SF1: variants seen among roughly 807,000 people sequenced by gnomAD.
SF1 encodes the protein splicing factor 1, also known as branch point-binding protein.
In SF1, 7 loss-of-function variants were observed where a neutral mutation model predicts 62.5. The observed-to-expected ratio is 0.11, with a 90% CI of 0.06 to 0.21. The LOEUF is 0.21. Ranked by LOEUF, SF1 falls within the 10% of genes least tolerant of loss-of-function variation. SF1 has a pLI of 1.00. For missense variants in SF1, 578 were observed against 884.0 expected (o/e 0.65, Z 4.39); for synonymous variants, 394 against 323.6 (o/e 1.22, Z -2.33).
chr11:64,773,156 TA>T, intron 3 of SF1: 1 of 1,264,326 alleles, frequency 7.9e-7, no homozygotes, highest in Non-Finnish European at 1.0e-6. Context: ...TAAGGGTGGG[TA>T]AATCAGGTTA....
intron 7 of SF1, 47 bp from the exon 8 acceptor site, chr11:64,769,176 C>A: frequency 6.2e-7 from 1 of 1,608,806 alleles, no homozygotes; most frequent in East Asian, 2.2e-5. Context: ...TCTCTACTTC[C>A]ATAGGTTCTT....
chr11:64,778,367 G>A lies in SF1; in HGVS notation c.26C>T (p.Pro9Leu), dbSNP rs758283208. The change falls in exon 1 of 13, where the codon CCG (proline) becomes CTG (leucine). Residue 9 changes from proline (P) to leucine (L), a missense_variant. Physicochemically the swap from Pro to Leu is moderately conservative, Grantham distance 98. Transcript: ENST00000377390. MATGANAT[P>L]LDFPSKKRKR... ...CCCGGGGGGGCCCAGCTTACCCAAC[G>A]GCGTGGCGTTCGCTCCGGTCGCCAT... 2.4e-6 allele frequency: 3 copies of A among 1,227,950 alleles called. No individual in the cohort carries two copies. Among genetic ancestry groups the A allele is most frequent in the East Asian group, 6.4e-5 (2 of 31,234 alleles). 76.1% of individuals were successfully genotyped at this position (1,227,950 alleles called of 1,614,324 possible). A position where few individuals can be genotyped will look rare whatever the true frequency, so the allele number is the denominator to read the frequency against.
intron 4 of SF1, 37 bp downstream of exon 4, chr11:64,770,219 G>C (rs1307400387): frequency 6.2e-7 from 1 of 1,605,220 alleles, no homozygotes; most frequent in Non-Finnish European, 8.5e-7. Flanking sequence ...TGATCTGCAT[G>C]TGTCTTCATC....
intron 2 of SF1, among the ~76,000 whole-genome samples, chr11:64,775,400 G>A (rs576427423): frequency 1.4e-4 from 22 of 152,312 alleles, no homozygotes; most frequent in African/African-American, 5.1e-4. Flanking sequence ...AGGATGTAAA[G>A]ACCCAGACTA....
chr11:64,776,520 T>C lies in SF1; in HGVS notation c.138A>G (p.Arg46=), dbSNP rs1275675461. 2.6e-6 allele frequency: 4 copies of C among 1,563,558 alleles called. No individual in the cohort carries two copies. The highest frequency in any genetic ancestry group is 3.4e-6 in the Non-Finnish European group (4 of 1,160,244). The change falls in exon 2 of 13, where the codon CGA becomes CGG. Residue 46 remains arginine (R), a synonymous_variant. Transcript: ENST00000377390. ...MPTVIPPGLT[R]EQERAYIVQL... ...TACCTATATAAGCTCTTTCTTGTTC[T>C]CGAGTAAGTCCAGGGGGAATAACTG...
chr11:64,767,444 C>G, intron 10 of SF1, 127 bp downstream of exon 10: 2 of 1,144,056 alleles, frequency 1.7e-6, no homozygotes, highest in Non-Finnish European at 2.5e-6. Context: ...GAGCCACAAC[C>G]CTGGCAAGCC....
intron 4 of SF1, 37 bp downstream of exon 4, chr11:64,770,219 G>T: frequency 6.2e-7 from 1 of 1,605,338 alleles, no homozygotes; most frequent in African/African-American, 1.3e-5. Context: ...TGATCTGCAT[G>T]TGTCTTCATC....
intron 3 of SF1, chr11:64,772,093 T>C (rs1467773785): frequency 1.0e-6 from 1 of 985,264 alleles, no homozygotes; most frequent in African/African-American, 1.7e-5. Flanking sequence ...ATTGCAGAAG[T>C]GAAAGGCAAA....
Position 64,764,763 on chromosome 11 carries a change from G to C in SF1, c.*1055C>G, listed in dbSNP as rs1291423360. On this transcript the variant is annotated 3_prime_UTR_variant, in exon 13 of 13. Transcript: ENST00000377390. ...TGTCAACAGAATCACTTCATGGAGAGGGAAGCGGGAGGAAAAAGGAAGGAG... is the reference window on the plus strand; with the variant it reads ...TGTCAACAGAATCACTTCATGGAGACGGAAGCGGGAGGAAAAAGGAAGGAG... 1.3e-5 allele frequency: 2 copies of C among 152,642 alleles called. No homozygotes were observed. Among genetic ancestry groups the C allele is most frequent in the African/African-American group, 4.8e-5 (2 of 41,454 alleles). 9.5% of individuals were successfully genotyped at this position (152,642 alleles called of 1,614,324 possible).
chr11:64,771,198 A>C (rs1301442794), intron 3 of SF1, among the ~76,000 whole-genome samples: 5 of 152,256 alleles, frequency 3.3e-5, no homozygotes, highest in African/African-American at 1.2e-4. Flanking sequence ...TCCAGAAAGC[A>C]GATTTTCTCT....
intron 2 of SF1, among the ~76,000 whole-genome samples, chr11:64,774,997 GACAAAGCAGTATGT>G (rs1461321340): frequency 2.0e-5 from 3 of 151,806 alleles, no homozygotes; most frequent in African/African-American, 7.3e-5. Flanking sequence ...GGGCATCCTG[GACAAAGCAGTATGT>G]ACCGTGGGAG....
chr11:64,766,927 A>G lies in SF1; in HGVS notation c.1555T>C (p.Ser519Pro). Residue 519 changes from serine (S) to proline (P), a missense_variant, in exon 12 of 13, where the codon TCC becomes CCC. Transcript: ENST00000377390. ...TGCTGCCATGGCAAGGGGGTACTGG[A>G]AGCCATACTGCTGCTGGGCGGAGGG... ...PPPPPSSSMA[S>P]STPLPWQQNT... The G allele has an allele frequency of 8.1e-7, 1 of 1,237,794 alleles. No homozygotes were observed. The highest frequency in any genetic ancestry group is 1.0e-6 in the Non-Finnish European group (1 of 966,040). 76.7% of individuals were successfully genotyped at this position (1,237,794 alleles called of 1,614,324 possible).
At position 64,775,014 on chromosome 11, in the gene SF1, C is replaced by T. The variant is rs111876560; in HGVS notation, c.160+1484G>A. On this transcript the variant is annotated intron_variant, in intron 2 of 12. Transcript: ENST00000377390. Reference sequence around the variant, plus strand: ...GCATCCTGGACAAAGCAGTATGTACCGTGGGAGACAGAAAAGTAGTAAGAC... The same window carrying T: ...GCATCCTGGACAAAGCAGTATGTACTGTGGGAGACAGAAAAGTAGTAAGAC... Among the ~76,000 whole-genome samples the T allele has an allele frequency of 4.4e-3, 672 of 151,650 alleles. 3 individuals are homozygous for T. The highest frequency in any genetic ancestry group is 4.7e-3 in the Non-Finnish European group (322 of 67,894).
chr11:64,772,233 A>T, intron 3 of SF1: 5 of 985,288 alleles, frequency 5.1e-6, no homozygotes, highest in Non-Finnish European at 6.0e-6. Flanking sequence ...CCTTTGGAGG[A>T]ATTGACTGGT....
Position 64,766,880 on chromosome 11 carries a change from G to T in SF1, c.1582+20C>A. On this transcript the variant is annotated intron_variant, in intron 12 of 12. Coordinates refer to ENST00000377390, the MANE Select transcript of SF1 (RefSeq NM_004630.4). ...ACCCCCATCCCACCCACCCCCACAA[G>T]CCCAAAATATTCTACTCACTTTGCT... 2 of 259,404 alleles carry T rather than the reference G, an allele frequency of 7.7e-6. No homozygotes were observed. The highest frequency in any genetic ancestry group is 1.3e-5 in the Non-Finnish European group (2 of 155,754). The allele number at this position is 259,404 out of a possible 1,614,324, so 16.1% of individuals were successfully genotyped here. A position where few individuals can be genotyped will look rare whatever the true frequency, so the allele number is the denominator to read the frequency against.
At chr11:64,770,210 G>T in intron 4 of SF1, 46 bp downstream of exon 4, 1 of 1,601,532 alleles carries the variant, frequency 6.2e-7, no homozygotes, top group East Asian at 2.2e-5. Flanking sequence ...GGTCACCCAT[G>T]ATCTGCATGT....
intron 3 of SF1, chr11:64,771,882 A>C: frequency 1.0e-6 from 1 of 985,454 alleles, no homozygotes. Flanking sequence ...AGCAAAACCA[A>C]TCAGGCATTA....
In SF1 at chr11:64,770,057, A is replaced by C. The variant is rs778385946; in HGVS notation, c.390-4T>G. 1 of 1,612,284 alleles carries C rather than the reference A, an allele frequency of 6.2e-7. No homozygotes were observed. The highest frequency in any genetic ancestry group is 1.7e-5 in the Admixed American group (1 of 59,992). Reference sequence around the variant, plus strand: ...ACTCACACGTGTTGCTGGAGGTCTAAGAAAGAAAAGCCTGTGTCACCGCAC... The same window carrying C: ...ACTCACACGTGTTGCTGGAGGTCTACGAAAGAAAAGCCTGTGTCACCGCAC... On this transcript the variant is annotated splice_region_variant and splice_polypyrimidine_tract_variant and intron_variant, in intron 4 of 12. Transcript: ENST00000377390.
At position 64,765,701 on chromosome 11, in the gene SF1, G is replaced by A. The variant is rs2058600619; in HGVS notation, c.*117C>T. 4 of 1,465,962 alleles carry A rather than the reference G, an allele frequency of 2.7e-6. No homozygotes were observed. The highest frequency in any genetic ancestry group is 2.7e-6 in the Non-Finnish European group (3 of 1,111,326). 90.8% of individuals were successfully genotyped at this position (1,465,962 alleles called of 1,614,324 possible). Reference sequence around the variant, plus strand: ...CCAGTGCGTGCACACACACACATGCGTGCACACACAATCACATGCGTGCGT... The same window carrying A: ...CCAGTGCGTGCACACACACACATGCATGCACACACAATCACATGCGTGCGT... On this transcript the variant is annotated 3_prime_UTR_variant, in exon 13 of 13. Coordinates refer to ENST00000377390, the MANE Select transcript of SF1 (RefSeq NM_004630.4).
Sources: allele counts gnomAD v4.1 joint callset (sites outside exome capture counted in the v4.1 genomes callset), GRCh38; gene constraint gnomAD v4.1.1; transcripts MANE v1.5; gene names NCBI Gene and HGNC (gene_info 2026-07-23, HGNC 2026-07-21).